Variants in FER observed in about 807,000 individuals in gnomAD.
The protein encoded by FER is tyrosine-protein kinase Fer.
FER carries 63 observed loss-of-function variants against 111.0 expected under a neutral mutation model. That is an observed-to-expected ratio of 0.57 (90% CI 0.46 to 0.70). The LOEUF is 0.70. FER is among the 30% of genes least tolerant of loss of function. The pLI, the probability that FER is intolerant of heterozygous loss-of-function variation, is 0.00. For synonymous variants in FER, 327 were observed against 313.9 expected (o/e 1.04, Z -0.44); for missense variants, 914 against 954.0 (o/e 0.96, Z 0.55).
At chr5:109,156,348 A>G (rs770992263) in intron 17 of FER, among the ~76,000 whole-genome samples, 17 of 152,198 alleles carry the variant, frequency 1.1e-4, no homozygotes, top group Admixed American at 2.0e-4. Flanking sequence ...CAAACACTAC[A>G]CTCAGGAAGA....
rs567466631 is a variant in FER at position 108,984,563 on chromosome 5, G to C, written c.1656+25216G>C. ...TGGAGAATAAGTAAATGCCACGATA[G>C]TTTTTTTTTTTTACATTCTGTATTA... On this transcript the variant is annotated intron_variant, in intron 13 of 19. Coordinates refer to ENST00000281092, the MANE Select transcript of FER (RefSeq NM_005246.4). Among the ~76,000 whole-genome samples the C allele has an allele frequency of 7.5e-5, 11 of 146,218 alleles. No homozygotes were observed. The East Asian group carries it at 1.6e-3, about 21-fold the overall frequency.
Position 108,759,175 on chromosome 5 carries a change from A to C in FER, c.-205-8918A>C, listed in dbSNP as rs763663911. Among the ~76,000 whole-genome samples the C allele has an allele frequency of 7.6e-4, 115 of 152,180 alleles. 1 individual carries two copies. Among genetic ancestry groups the C allele is most frequent in the Non-Finnish European group, 4.3e-4 (29 of 68,042 alleles). ...AGGAAAATAGCATGTGGACAACAAAAACCCTTAATTGATATCCTACTTCAT... is the reference window on the plus strand; with the variant it reads ...AGGAAAATAGCATGTGGACAACAAACACCCTTAATTGATATCCTACTTCAT... On this transcript the variant is annotated intron_variant, in intron 1 of 19. Transcript: ENST00000281092.
At chr5:109,108,539 A>G (rs532892843) in intron 17 of FER, among the ~76,000 whole-genome samples, 6 of 152,102 alleles carry the variant, frequency 3.9e-5, no homozygotes, top group Non-Finnish European at 7.4e-5. Context: ...AGGGACTGCC[A>G]GTTGGTCCAT....
chr5:108,864,526 G>A (rs921389606), intron 5 of FER, among the ~76,000 whole-genome samples: 18 of 152,150 alleles, frequency 1.2e-4, no homozygotes, highest in Admixed American at 5.2e-4. Context: ...GGAGCCTGCC[G>A]TCAAAAATTC....
At chr5:109,159,827 G>A (rs985720246) in intron 17 of FER, among the ~76,000 whole-genome samples, 2 of 152,176 alleles carry the variant, frequency 1.3e-5, no homozygotes, top group African/African-American at 4.8e-5. Flanking sequence ...CTCTCATAGA[G>A]GCTCTGCACA....
In FER at chr5:108,750,327, C is replaced by T. The variant is rs189302694; in HGVS notation, c.-206+2327C>T. On this transcript the variant is annotated intron_variant, in intron 1 of 19. Transcript: ENST00000281092. ...AGTATTTGTAGTCCTGGTATATATA[C>T]CTGTGTTGCCCTTAAGAAGACATTT... Among the ~76,000 whole-genome samples, 3 of 150,622 alleles carry T rather than the reference C, an allele frequency of 2.0e-5. No individual in the cohort carries two copies. The East Asian group carries it at 5.8e-4, about 29-fold the overall frequency.
At chr5:108,808,458 CT>C (rs1757422478) in intron 3 of FER, among the ~76,000 whole-genome samples, 1 of 151,268 alleles carries the variant, frequency 6.6e-6, no homozygotes, top group Non-Finnish European at 1.5e-5. Flanking sequence ...TGATCTTTCT[CT>C]AACCCTTTAC....
At chr5:108,843,798 A>T (rs994820807) in intron 5 of FER, among the ~76,000 whole-genome samples, 1 of 152,012 alleles carries the variant, frequency 6.6e-6, no homozygotes, top group Non-Finnish European at 1.5e-5. Context: ...AAGTGCTAGG[A>T]TTACAGGTGT....
At chr5:108,890,630 A>G (rs528660866) in intron 9 of FER, among the ~76,000 whole-genome samples, 2 of 152,136 alleles carry the variant, frequency 1.3e-5, no homozygotes, top group African/African-American at 4.8e-5. Context: ...TTAATGGCCT[A>G]TCCTACTCCT....
At chr5:108,803,896 G>A (rs573444622) in intron 3 of FER, among the ~76,000 whole-genome samples, 2 of 152,238 alleles carry the variant, frequency 1.3e-5, no homozygotes, top group East Asian at 1.9e-4. Flanking sequence ...GATAGGAATA[G>A]TGTTGAATCT....
intron 16 of FER, among the ~76,000 whole-genome samples, chr5:109,087,811 A>G (rs1230513769): frequency 6.6e-6 from 1 of 151,912 alleles, no homozygotes; most frequent in Non-Finnish European, 1.5e-5. Flanking sequence ...GCATTTGAGT[A>G]GAATATCTAT....
rs73207527 is a variant in FER, at chr5:108,801,073, A to G, written c.207+2684A>G. 2.4e-3 allele frequency among the ~76,000 whole-genome samples: 360 copies of G among 152,350 alleles called. 2 individuals are homozygous for G. The highest frequency in any genetic ancestry group is 8.2e-3 in the African/African-American group (343 of 41,590). Reference sequence around the variant, plus strand: ...CAAAAAAAAATCTTTGCCTGATGCAAAGTTAAAGAGTTTTGCCTGTGTTAT... The same window carrying G: ...CAAAAAAAAATCTTTGCCTGATGCAGAGTTAAAGAGTTTTGCCTGTGTTAT... On this transcript the variant is annotated intron_variant, in intron 3 of 19. Transcript: ENST00000281092.
Position 109,190,804 on chromosome 5 carries a change from C to T in FER, c.*3229C>T, listed in dbSNP as rs531326252. 7 of 152,228 alleles carry T rather than the reference C, an allele frequency of 4.6e-5. No individual in the cohort carries two copies. The South Asian group carries it at 1.4e-3, about 32-fold the overall frequency. The allele number at this position is 152,228 out of a possible 1,614,324, so 9.4% of individuals were successfully genotyped here. ...CCTTTCGTAATTCACTGTTTTATTA[C>T]AAATACGATATTACTGAAACATCTT... On this transcript the variant is annotated 3_prime_UTR_variant, in exon 20 of 20. Coordinates refer to ENST00000281092, the MANE Select transcript of FER (RefSeq NM_005246.4).
chr5:108,879,701 A>AATATATATATATATATATAT (rs1554084618), intron 8 of FER, among the ~76,000 whole-genome samples: 49 of 99,058 alleles, frequency 4.9e-4, no homozygotes, highest in Non-Finnish European at 6.5e-4. Flanking sequence ...ATTAAAAAAA[A>AATATATATATATATATATAT]ATATATATAT....
chr5:108,878,248 C>T (rs1765296195), intron 8 of FER, among the ~76,000 whole-genome samples: 1 of 152,042 alleles, frequency 6.6e-6, no homozygotes, highest in Admixed American at 6.6e-5. Context: ...TAAAAATTAT[C>T]TAACTAAAGC....
Position 108,798,914 on chromosome 5 carries a change from G to C in FER, c.207+525G>C, listed in dbSNP as rs537433274. 2.2e-4 allele frequency among the ~76,000 whole-genome samples: 33 copies of C among 152,004 alleles called. 1 individual carries two copies. Among genetic ancestry groups the C allele is most frequent in the Non-Finnish European group, 4.3e-4 (29 of 68,022 alleles). On this transcript the variant is annotated intron_variant, in intron 3 of 19. Coordinates refer to ENST00000281092, the MANE Select transcript of FER (RefSeq NM_005246.4). ...ACCTCTCTGATGCTCTGACTTAATG[G>C]GTCAGGTTTGAGAACCATTGTTACA...
chr5:108,894,159 C>T (rs535899153), intron 9 of FER, among the ~76,000 whole-genome samples: 4 of 152,138 alleles, frequency 2.6e-5, no homozygotes, highest in Admixed American at 1.3e-4. Context: ...TACTTTTTCT[C>T]ACCTTCTCAA....
intron 5 of FER, among the ~76,000 whole-genome samples, chr5:108,841,177 G>T (rs987966008): frequency 2.6e-5 from 4 of 152,204 alleles, no homozygotes; most frequent in Admixed American, 2.6e-4. Context: ...CTGGCTTGAA[G>T]CAGTGAGCAA....
At chr5:108,905,591 T>G (rs940553971) in intron 10 of FER, among the ~76,000 whole-genome samples, 10 of 152,268 alleles carry the variant, frequency 6.6e-5, no homozygotes, top group African/African-American at 1.7e-4. Flanking sequence ...ATGGGGTTTT[T>G]TGGGAAAGGT....
Sources: gnomAD v4.1 joint callset for allele counts (sites outside exome capture counted in the v4.1 genomes callset) on GRCh38, gnomAD v4.1.1 for gene constraint, MANE v1.5 for transcripts, NCBI Gene and HGNC (gene_info 2026-07-23, HGNC 2026-07-21) for gene names.